The following CEBPA variants were observed in gnomAD, a reference collection of about 807,000 sequenced individuals.
The protein encoded by CEBPA is CCAAT/enhancer-binding protein alpha.
CEBPA carries 2 observed loss-of-function variants against 5.1 expected under a neutral mutation model. The observed-to-expected ratio is 0.39, with a 90% confidence interval of 0.16 to 1.23. CEBPA has a LOEUF of 1.23. Ranked by LOEUF, CEBPA falls within the 50% of genes most tolerant of loss-of-function variation. The pLI is 0.34. For synonymous variants in CEBPA, 275 were observed against 264.1 expected (o/e 1.04, Z -0.40); for missense variants, 455 against 537.4 (o/e 0.85, Z 1.52).
At position 33,301,294 on chromosome 19, in the gene CEBPA, T is replaced by C. The variant is rs1169694972; in HGVS notation, c.*44A>G. The C allele has an allele frequency of 7.2e-6, 11 of 1,538,090 alleles. No individual in the cohort carries two copies. The highest frequency in any genetic ancestry group is 9.6e-6 in the Non-Finnish European group (11 of 1,146,788). ...CGGCGACCCCAAACCACTCCCTGGG[T>C]CCCCGCCGGAGGCTGGCCCAGGGCG... On this transcript the variant is annotated 3_prime_UTR_variant, in exon 1 of 1. Coordinates refer to ENST00000498907, the MANE Select transcript of CEBPA (RefSeq NM_004364.5). This position sits in a 1 kb window ranked among gnomAD's most constrained non-coding sequence, Gnocchi z 6.0.
chr19:33,301,958 G>A lies in CEBPA; in HGVS notation c.457C>T (p.Pro153Ser), dbSNP rs2145261985. Reference sequence around the variant, plus strand: ...TTGATCACCAGCGGCCGCAGCGCCGGCGCCCCGACGCGCTCGTACAGGGGC... The same window carrying A: ...TTGATCACCAGCGGCCGCAGCGCCGACGCCCCGACGCGCTCGTACAGGGGC... The part of the protein sequence containing the change: ...LEPLYERVGA[P>S]ALRPLVIKQE... Residue 153 changes from proline to serine, a missense_variant, in exon 1 of 1, where the codon CCG becomes TCG. Pro to Ser is a moderately conservative substitution (Grantham distance 74). Coordinates refer to ENST00000498907, the MANE Select transcript of CEBPA (RefSeq NM_004364.5). The surrounding 1 kb of genome is among the most constrained non-coding windows in gnomAD (Gnocchi z 6.0). 8.2e-7 allele frequency: 1 copy of A among 1,217,120 alleles called. No homozygotes were observed. Among genetic ancestry groups the A allele is most frequent in the Non-Finnish European group, 1.0e-6 (1 of 976,480 alleles). 75.4% of individuals were successfully genotyped at this position (1,217,120 alleles called of 1,614,324 possible).
At position 33,302,262 on chromosome 19, in the gene CEBPA, C is replaced by T. The variant is rs1054442664; in HGVS notation, c.153G>A (p.Pro51=). The part of the protein sequence containing the change: ...QPPAPPAAPE[P]LGGICEHETS... The stretch of plus-strand genomic sequence containing the variant: ...TCTCGTGCTCGCAGATGCCGCCCAG[C>T]GGCTCCGGGGCGGCAGGTGGGGCGG... Residue 51 remains proline, a synonymous_variant, in exon 1 of 1, where the codon CCG becomes CCA. Coordinates refer to ENST00000498907, the MANE Select transcript of CEBPA (RefSeq NM_004364.5). 3 of 1,486,544 alleles carry T rather than the reference C, an allele frequency of 2.0e-6. No homozygotes were observed. Among genetic ancestry groups the T allele is most frequent in the East Asian group, 2.9e-5 (1 of 34,312 alleles). The allele number at this position is 1,486,544 out of a possible 1,614,324, so 92.1% of individuals were successfully genotyped here. A position where few individuals can be genotyped will look rare whatever the true frequency, so the allele number is the denominator to read the frequency against.
In CEBPA at chr19:33,301,146, TCATCTTAGACG is replaced by T. The variant is rs1967147068; in HGVS notation, c.*181_*191del. On this transcript the variant is annotated 3_prime_UTR_variant, in exon 1 of 1. Coordinates refer to ENST00000498907, the MANE Select transcript of CEBPA (RefSeq NM_004364.5). The surrounding 1 kb of genome is among the most constrained non-coding windows in gnomAD (Gnocchi z 6.0). ...AGGGAGAAGCCACCGCCTGGCCCCC[TCATCTTAGACG>T]CACCAAGTCCGGCGCAGAGGAAGGG... is the stretch of plus-strand genomic sequence containing the variant. 2 of 990,022 alleles carry T rather than the reference TCATCTTAGACG, an allele frequency of 2.0e-6. No individual in the cohort carries two copies. The highest frequency in any genetic ancestry group is 2.9e-6 in the Non-Finnish European group (2 of 695,606). 61.3% of individuals were successfully genotyped at this position (990,022 alleles called of 1,614,324 possible).
At position 33,301,035 on chromosome 19, in the gene CEBPA, A is replaced by C; in HGVS notation, c.*303T>G. Reference sequence around the variant, plus strand: ...CTACTCAGTAGGCATTGGAGCGGTGAGTTTGCATTTCCAAGGCACAAGGTT... The same window carrying C: ...CTACTCAGTAGGCATTGGAGCGGTGCGTTTGCATTTCCAAGGCACAAGGTT... On this transcript the variant is annotated 3_prime_UTR_variant, in exon 1 of 1. Transcript: ENST00000498907. The surrounding 1 kb of genome is among the most constrained non-coding windows in gnomAD (Gnocchi z 6.0). The C allele has an allele frequency of 2.0e-6, 1 of 496,952 alleles. No homozygotes were observed. Among genetic ancestry groups the C allele is most frequent in the African/African-American group, 1.9e-5 (1 of 52,514 alleles). 30.8% of individuals were successfully genotyped at this position (496,952 alleles called of 1,614,324 possible).
Position 33,301,168 on chromosome 19 carries a change from G to A in CEBPA, c.*170C>T, listed in dbSNP as rs1479237165. The stretch of plus-strand genomic sequence containing the variant: ...CCCTCATCTTAGACGCACCAAGTCC[G>A]GCGCAGAGGAAGGGAGGGGACACGC... On this transcript the variant is annotated 3_prime_UTR_variant, in exon 1 of 1. Transcript: ENST00000498907. This position sits in a 1 kb window ranked among gnomAD's most constrained non-coding sequence, Gnocchi z 6.0. The A allele has an allele frequency of 4.2e-6, 5 of 1,186,942 alleles. No homozygotes were observed. In the African/African-American group the frequency reaches 7.7e-5, roughly 18 times the overall value. The allele number at this position is 1,186,942 out of a possible 1,614,324, so 73.5% of individuals were successfully genotyped here. A position where few individuals can be genotyped will look rare whatever the true frequency, so the allele number is the denominator to read the frequency against.
At position 33,301,820 on chromosome 19, in the gene CEBPA, C is replaced by A. The variant is rs1308416905; in HGVS notation, c.595G>T (p.Ala199Ser). 4.9e-6 allele frequency: 6 copies of A among 1,236,980 alleles called. No homozygotes were observed. Among genetic ancestry groups the A allele is most frequent in the Admixed American group, 4.4e-5 (1 of 22,976 alleles). The allele number at this position is 1,236,980 out of a possible 1,614,324, so 76.6% of individuals were successfully genotyped here. ...TGCAGGTGCGGGGCGGCCAGGTGCGCGGGCGGCGGGTGCGGGTGCGGGTGC... is the reference window on the plus strand; with the variant it reads ...TGCAGGTGCGGGGCGGCCAGGTGCGAGGGCGGCGGGTGCGGGTGCGGGTGC... Reference protein sequence around the residue: ...PSHPHPHPPPAHLAAPHLQFQ... With the variant: ...PSHPHPHPPPSHLAAPHLQFQ... The change falls in exon 1 of 1, where the codon GCG becomes TCG. Residue 199 changes from alanine to serine, a missense_variant. By Grantham distance (99) the Ala-to-Ser change is moderately conservative. This residue lies in a region of CEBPA where 141 missense variants were observed against 124.1 expected (regional missense o/e 1.14). Coordinates refer to ENST00000498907, the MANE Select transcript of CEBPA (RefSeq NM_004364.5). This position sits in a 1 kb window ranked among gnomAD's most constrained non-coding sequence, Gnocchi z 6.0.
chr19:33,302,276 CA>C lies in CEBPA; in HGVS notation c.138del (p.Ala47ProfsTer113). On this transcript the variant is annotated frameshift_variant, in exon 1 of 1. Coordinates refer to ENST00000498907, the MANE Select transcript of CEBPA (RefSeq NM_004364.5). LOFTEE classifies it low-confidence loss of function (END_TRUNC). The part of the protein sequence containing the change: ...GAGPAQPPAP[P>X]AAPEPLGGIC... ...ATGCCGCCCAGCGGCTCCGGGGCGG[CA>C]GGTGGGGCGGGAGGCTGCGCGGGGC... The C allele has an allele frequency of 6.7e-7, 1 of 1,484,418 alleles. No homozygotes were observed. Among genetic ancestry groups the C allele is most frequent in the South Asian group, 1.3e-5 (1 of 77,338 alleles). The allele number at this position is 1,484,418 out of a possible 1,614,324, so 92.0% of individuals were successfully genotyped here.
Position 33,301,309 on chromosome 19 carries a change from G to GT in CEBPA, c.*28_*29insA. 1 of 1,560,868 alleles carries GT rather than the reference G, an allele frequency of 6.4e-7. No individual in the cohort carries two copies. The highest frequency in any genetic ancestry group is 8.6e-7 in the Non-Finnish European group (1 of 1,159,040). On this transcript the variant is annotated 3_prime_UTR_variant, in exon 1 of 1. Coordinates refer to ENST00000498907, the MANE Select transcript of CEBPA (RefSeq NM_004364.5). The surrounding 1 kb of genome is among the most constrained non-coding windows in gnomAD (Gnocchi z 6.0). ...ACTCCCTGGGTCCCCGCCGGAGGCT[G>GT]GCCCAGGGCGGTCCCACAGCCGCGC...
rs1245267802 is a variant in CEBPA, at chr19:33,301,021, G to A, written c.*317C>T. ...ACGATTTGCTCCCCCTACTCAGTAG[G>A]CATTGGAGCGGTGAGTTTGCATTTC... On this transcript the variant is annotated 3_prime_UTR_variant, in exon 1 of 1. Transcript: ENST00000498907. This position sits in a 1 kb window ranked among gnomAD's most constrained non-coding sequence, Gnocchi z 6.0. 4.2e-6 allele frequency: 2 copies of A among 477,476 alleles called. No individual in the cohort carries two copies. Among genetic ancestry groups the A allele is most frequent in the Admixed American group, 6.8e-5 (2 of 29,578 alleles). 29.6% of individuals were successfully genotyped at this position (477,476 alleles called of 1,614,324 possible).
chr19:33,300,890 T>C lies in CEBPA; in HGVS notation c.*448A>G. 3.9e-6 allele frequency: 1 copy of C among 259,576 alleles called. No individual in the cohort carries two copies. Among genetic ancestry groups the C allele is most frequent in the South Asian group, 1.2e-4 (1 of 8,472 alleles). The allele number at this position is 259,576 out of a possible 1,614,324, so 16.1% of individuals were successfully genotyped here. A position where few individuals can be genotyped will look rare whatever the true frequency, so the allele number is the denominator to read the frequency against. On this transcript the variant is annotated 3_prime_UTR_variant, in exon 1 of 1. Coordinates refer to ENST00000498907, the MANE Select transcript of CEBPA (RefSeq NM_004364.5). ...CTGGCGGGCTTGTCGGGATCTCAGC[T>C]CCCTGAGCCCTCCTCCTGCCACGGG...
chr19:33,301,722 G>T lies in CEBPA; in HGVS notation c.693C>A (p.Pro231=), dbSNP rs550308123. The T allele has an allele frequency of 1.7e-6, 2 of 1,147,688 alleles. No homozygotes were observed. Among genetic ancestry groups the T allele is most frequent in the Non-Finnish European group, 2.1e-6 (2 of 936,082 alleles). 71.1% of individuals were successfully genotyped at this position (1,147,688 alleles called of 1,614,324 possible). Residue 231 remains proline, a synonymous_variant, in exon 1 of 1, where the codon CCC becomes CCA. Coordinates refer to ENST00000498907, the MANE Select transcript of CEBPA (RefSeq NM_004364.5). The surrounding 1 kb of genome is among the most constrained non-coding windows in gnomAD (Gnocchi z 6.0). ...QPGHPTPPPT[P]VPSPHPAPAL... is the part of the protein sequence containing the mutation. ...CGGGCGCGGGGTGCGGGCTGGGCAC[G>T]GGCGTGGGCGGCGGCGTGGGGTGAC...
rs925799275 is a variant in CEBPA, at chr19:33,300,472, T to C, written c.*866A>G. On this transcript the variant is annotated 3_prime_UTR_variant, in exon 1 of 1. Transcript: ENST00000498907. The stretch of plus-strand genomic sequence containing the variant: ...ATGGACTGATCGTGCTTCGTGTTCC[T>C]AGGCAATGCTGAAGGCATACAGTAC... The C allele has an allele frequency of 2.6e-5, 6 of 233,684 alleles. No homozygotes were observed. The highest frequency in any genetic ancestry group is 5.1e-5 in the Non-Finnish European group (6 of 118,068). The allele number at this position is 233,684 out of a possible 1,614,324, so 14.5% of individuals were successfully genotyped here. A position where few individuals can be genotyped will look rare whatever the true frequency, so the allele number is the denominator to read the frequency against.
chr19:33,302,114 C>T lies in CEBPA; in HGVS notation c.301G>A (p.Gly101Ser). The T allele has an allele frequency of 7.4e-7, 1 of 1,346,126 alleles. No individual in the cohort carries two copies. Among genetic ancestry groups the T allele is most frequent in the Non-Finnish European group, 9.6e-7 (1 of 1,039,236 alleles). The allele number at this position is 1,346,126 out of a possible 1,614,324, so 83.4% of individuals were successfully genotyped here. The change falls in exon 1 of 1, where the codon GGC becomes AGC. Residue 101 changes from glycine to serine, a missense_variant. By Grantham distance (56) the Gly-to-Ser change is moderately conservative. Around this residue, in one of 5 missense-constraint regions of CEBPA, gnomAD observed 15 missense variants for 39.7 expected, o/e 0.38. Coordinates refer to ENST00000498907, the MANE Select transcript of CEBPA (RefSeq NM_004364.5). ...AKAAVGPTGG[G>S]GGGDFDYPGA... The stretch of plus-strand genomic sequence containing the variant: ...GGGTAGTCAAAGTCGCCGCCGCCGC[C>T]GCCGCCCGTGGGGCCCACGGCCGCC...
chr19:33,301,858 G>C lies in CEBPA; in HGVS notation c.557C>G (p.Pro186Arg). Reference sequence around the variant, plus strand: ...CGGGTGCGGGTGCGAGGGCGGCGGCGGCGGCGGCGGCTGGTAAGGGAAGAG... The same window carrying C: ...CGGGTGCGGGTGCGAGGGCGGCGGCCGCGGCGGCGGCTGGTAAGGGAAGAG... ...AGLFPYQPPPPPPPSHPHPHP... is the reference protein window; with the variant it reads ...AGLFPYQPPPRPPPSHPHPHP... Residue 186 changes from proline (P) to arginine (R), a missense_variant, in exon 1 of 1, where the codon CCG becomes CGG. Coordinates refer to ENST00000498907, the MANE Select transcript of CEBPA (RefSeq NM_004364.5). The surrounding 1 kb of genome is among the most constrained non-coding windows in gnomAD (Gnocchi z 6.0). 1.5e-6 allele frequency: 2 copies of C among 1,321,934 alleles called. No homozygotes were observed. The highest frequency in any genetic ancestry group is 1.8e-5 in the South Asian group (1 of 54,712). The allele number at this position is 1,321,934 out of a possible 1,614,324, so 81.9% of individuals were successfully genotyped here.
Position 33,302,468 on chromosome 19 carries a change from C to A in CEBPA, c.-54G>T, listed in dbSNP as rs1967207498. 2.6e-6 allele frequency: 3 copies of A among 1,159,776 alleles called. No individual in the cohort carries two copies. Among genetic ancestry groups the A allele is most frequent in the East Asian group, 6.6e-5 (2 of 30,294 alleles). The allele number at this position is 1,159,776 out of a possible 1,614,324, so 71.8% of individuals were successfully genotyped here. On this transcript the variant is annotated 5_prime_UTR_variant, in exon 1 of 1. Transcript: ENST00000498907. ...GAGCCTCGGCGGCCTCCAGCCTGCGCGGGGCGTCGCCGCCGCCCACCCGGA... is the reference window on the plus strand; with the variant it reads ...GAGCCTCGGCGGCCTCCAGCCTGCGAGGGGCGTCGCCGCCGCCCACCCGGA...
rs1408671093 is a variant in CEBPA, at chr19:33,301,994, C to A, written c.421G>T (p.Gly141Cys). The change falls in exon 1 of 1, where the codon GGC becomes TGC. Residue 141 changes from glycine (G) to cysteine (C), a missense_variant. Gly to Cys is a radical substitution (Grantham distance 159, BLOSUM62 -3). Transcript: ENST00000498907. The surrounding 1 kb of genome is among the most constrained non-coding windows in gnomAD (Gnocchi z 6.0). ...YGCAAAGYLD[G>C]RLEPLYERVG... is the part of the protein sequence containing the mutation. The stretch of plus-strand genomic sequence containing the variant: ...CGCTCGTACAGGGGCTCCAGCCTGC[C>A]GTCCAGGTAGCCGGCGGCCGCGCAG... 2.1e-5 allele frequency: 25 copies of A among 1,191,248 alleles called. No individual in the cohort carries two copies. In the East Asian group the frequency reaches 6.3e-4, roughly 30 times the overall value. 73.8% of individuals were successfully genotyped at this position (1,191,248 alleles called of 1,614,324 possible).
At position 33,302,321 on chromosome 19, in the gene CEBPA, C is replaced by A. The variant is rs1348778034; in HGVS notation, c.94G>T (p.Gly32Cys). ...GCGGGGCCCGCGCCCCGGGGAAAGC[C>A]GAAGGCGGCGCTGCTGGGCGCGTGC... ...PPHAPSSAAF[G>C]FPRGAGPAQP... The change falls in exon 1 of 1, where the codon GGC becomes TGC. Residue 32 changes from glycine (G) to cysteine (C), a missense_variant. Gly to Cys is a radical substitution (Grantham distance 159). Transcript: ENST00000498907. 7.2e-7 allele frequency: 1 copy of A among 1,396,402 alleles called. No individual in the cohort carries two copies. The highest frequency in any genetic ancestry group is 9.3e-7 in the Non-Finnish European group (1 of 1,072,492). 86.5% of individuals were successfully genotyped at this position (1,396,402 alleles called of 1,614,324 possible). A position where few individuals can be genotyped will look rare whatever the true frequency, so the allele number is the denominator to read the frequency against.
rs1294426980 is a variant in CEBPA at position 33,301,624 on chromosome 19, C to G, written c.791G>C (p.Arg264Pro). ...KGLGAAHPDL[R>P]ASGGSGAGKA... The stretch of plus-strand genomic sequence containing the variant: ...GCCCGCGCCGCTGCCGCCACTCGCG[C>G]GGAGGTCGGGGTGCGCGGCGCCCAG... The change falls in exon 1 of 1, where the codon CGC (arginine) becomes CCC (proline). Residue 264 changes from arginine (R) to proline (P), a missense_variant. By Grantham distance (103) the Arg-to-Pro change is moderately radical. Coordinates refer to ENST00000498907, the MANE Select transcript of CEBPA (RefSeq NM_004364.5). This position sits in a 1 kb window ranked among gnomAD's most constrained non-coding sequence, Gnocchi z 6.0. The G allele has an allele frequency of 6.3e-7, 1 of 1,585,098 alleles. No individual in the cohort carries two copies. Among genetic ancestry groups the G allele is most frequent in the African/African-American group, 1.3e-5 (1 of 74,082 alleles).
At position 33,301,350 on chromosome 19, in the gene CEBPA, G is replaced by T; in HGVS notation, c.1065C>A (p.Gly355=). 6.3e-7 allele frequency: 1 copy of T among 1,599,802 alleles called. No individual in the cohort carries two copies. ...LPESSLVKAM[G]NCA ...ACAGCCGCGCGCCTCACGCGCAGTT[G>T]CCCATGGCCTTGACCAAGGAGCTCT... Residue 355 remains glycine, a synonymous_variant, in exon 1 of 1, where the codon GGC becomes GGA. Coordinates refer to ENST00000498907, the MANE Select transcript of CEBPA (RefSeq NM_004364.5). This position sits in a 1 kb window ranked among gnomAD's most constrained non-coding sequence, Gnocchi z 6.0.
Sources: gnomAD v4.1 joint callset for allele counts on GRCh38, gnomAD v4.1.1 for gene constraint, gnomAD v4.1.1 regional missense constraint, Gnocchi (gnomAD v3.1) non-coding constraint, MANE v1.5 for transcripts, NCBI Gene and HGNC (gene_info 2026-07-23, HGNC 2026-07-21) for gene names.